The following CASP8 variants were observed in gnomAD, a reference collection of about 807,000 sequenced individuals.
CASP8 encodes the protein caspase 8, also known as caspase-8.
Under a neutral mutation model 46.3 loss-of-function variants are expected in CASP8, and 24 were observed. That is an observed-to-expected ratio of 0.52 (90% CI 0.38 to 0.73). CASP8 has a LOEUF of 0.73. CASP8 is among the 30% of genes least tolerant of loss of function. The pLI is 0.00. For synonymous variants in CASP8, 188 were observed against 200.4 expected (o/e 0.94, Z 0.52); for missense variants, 460 against 559.0 (o/e 0.82, Z 1.79).
At chr2:201,263,581 C>G (rs1264169835) in intron 1 of CASP8, among the ~76,000 whole-genome samples, 1 of 152,066 alleles carries the variant, frequency 6.6e-6, no homozygotes, top group Non-Finnish European at 1.5e-5. Flanking sequence ...TTTTAATTTT[C>G]CTTTTTATCT....
At chr2:201,264,042 T>A (rs935127223) in intron 1 of CASP8, among the ~76,000 whole-genome samples, 3 of 152,232 alleles carry the variant, frequency 2.0e-5, no homozygotes, top group African/African-American at 7.2e-5. Context: ...TGTGCATTTT[T>A]TGTCAGAGCT....
At chr2:201,277,148 A>T (rs986059361) in intron 7 of CASP8, 180 bp downstream of exon 7, 5 of 513,300 alleles carry the variant, frequency 9.7e-6, no homozygotes, top group Non-Finnish European at 1.7e-5. Flanking sequence ...TGCTTTTTTT[A>T]AAAATTAATT....
chr2:201,268,481 G>A (rs1400525716), intron 2 of CASP8, among the ~76,000 whole-genome samples: 1 of 152,066 alleles, frequency 6.6e-6, no homozygotes, highest in Non-Finnish European at 1.5e-5. Flanking sequence ...AACCCAGGAG[G>A]TGGAGGTTGC....
At chr2:201,270,456 C>A (rs1948162935) in intron 2 of CASP8, among the ~76,000 whole-genome samples, 1 of 152,196 alleles carries the variant, frequency 6.6e-6, no homozygotes, top group Non-Finnish European at 1.5e-5. Context: ...TAGCCTGGGT[C>A]CGCTGAGCTC....
At chr2:201,237,510 G>A (rs1441053775) in intron 2 of CASP8, among the ~76,000 whole-genome samples, 4 of 151,468 alleles carry the variant, frequency 2.6e-5, no homozygotes, top group Non-Finnish European at 4.4e-5. Flanking sequence ...GCAAGGTCTC[G>A]GAGGAAAAAT....
rs1320827174 is a variant in CASP8, at chr2:201,237,402, T to A, written c.-27+3290T>A. Reference sequence around the variant, plus strand: ...CACCTTGTCCAGACCCTTTTCTCTATCTTTATGAAAACATCTCTCCAGTAG... The same window carrying A: ...CACCTTGTCCAGACCCTTTTCTCTAACTTTATGAAAACATCTCTCCAGTAG... On this transcript the variant is annotated intron_variant, in intron 2 of 6. Transcript: ENST00000264274. Among the ~76,000 whole-genome samples the A allele has an allele frequency of 1.3e-4, 18 of 138,518 alleles. 1 individual carries two copies. Among genetic ancestry groups the A allele is most frequent in the Non-Finnish European group, 2.4e-4 (16 of 66,210 alleles). The allele number at this position is 138,518 out of a possible 152,430, so 90.9% of individuals were successfully genotyped here. A position where few individuals can be genotyped will look rare whatever the true frequency, so the allele number is the denominator to read the frequency against.
intron 8 of CASP8, 123 bp downstream of exon 8, chr2:201,285,440 C>A: frequency 8.2e-7 from 1 of 1,219,168 alleles, no homozygotes; most frequent in Non-Finnish European, 1.2e-6. Flanking sequence ...ATCACATTAA[C>A]AGGTCAGAGA....
intron 2 of CASP8, among the ~76,000 whole-genome samples, chr2:201,248,612 G>A (rs961064657): frequency 6.6e-6 from 1 of 152,132 alleles, no homozygotes; most frequent in Non-Finnish European, 1.5e-5. Flanking sequence ...CTTTTTGTCC[G>A]TTATCTGTTC....
chr2:201,251,186 G>T (rs2124995585), intron 2 of CASP8, among the ~76,000 whole-genome samples: 1 of 152,294 alleles, frequency 6.6e-6, no homozygotes, highest in East Asian at 1.9e-4. Flanking sequence ...CCAACTTTTG[G>T]CAGTTATGAA....
intron 1 of CASP8, among the ~76,000 whole-genome samples, chr2:201,261,233 A>C (rs1005675785): frequency 5.3e-5 from 8 of 152,064 alleles, no homozygotes; most frequent in African/African-American, 1.9e-4. Context: ...CTCTACTAAA[A>C]ATACAAAATT....
upstream of CASP8, among the ~76,000 whole-genome samples, chr2:201,258,796 C>T (rs917807045): frequency 6.6e-6 from 1 of 152,114 alleles, no homozygotes; most frequent in African/African-American, 2.4e-5. Context: ...CTGAGGTGCA[C>T]AGCCCCTTCC....
chr2:201,269,566 CTG>C (rs765672355), intron 2 of CASP8: 58 of 1,613,434 alleles, frequency 3.6e-5, no homozygotes, highest in Non-Finnish European at 4.6e-5. Context: ...CAGACACAGT[CTG>C]TACCTTTCTG....
chr2:201,269,645 G>A, intron 2 of CASP8: 1 of 1,439,652 alleles, frequency 6.9e-7, no homozygotes. Flanking sequence ...TTGGCTTAGA[G>A]ATAAAAGGGT....
chr2:201,242,820 A>G (rs1946359577), intron 2 of CASP8: 2 of 152,272 alleles, frequency 1.3e-5, no homozygotes, highest in Admixed American at 1.3e-4. Flanking sequence ...TACAGTAGCC[A>G]AGATGTGCAA....
intron 1 of CASP8, among the ~76,000 whole-genome samples, chr2:201,265,627 C>T (rs140217344): frequency 8.5e-4 from 130 of 152,206 alleles, no homozygotes; most frequent in Middle Eastern, 6.8e-3. Context: ...CCTTTCTTAG[C>T]TCCTCATCAC....
upstream of CASP8, among the ~76,000 whole-genome samples, chr2:201,256,729 G>T (rs754250412): frequency 6.6e-6 from 1 of 152,298 alleles, no homozygotes; most frequent in East Asian, 1.9e-4. Context: ...CTGAATTAGA[G>T]AATTCTGCTG....
rs1027714114 is a variant in CASP8, at chr2:201,274,540, T to G, written c.596-349T>G. On this transcript the variant is annotated intron_variant, in intron 5 of 8. Coordinates refer to ENST00000673742, the MANE Select transcript of CASP8 (RefSeq NM_001372051.1). Reference sequence around the variant, plus strand: ...CCCAGGCTGGAGTGCAGTAGTGCGATCTCAGCTCACTGCAACCACTACCTC... The same window carrying G: ...CCCAGGCTGGAGTGCAGTAGTGCGAGCTCAGCTCACTGCAACCACTACCTC... 7.2e-5 allele frequency among the ~76,000 whole-genome samples: 11 copies of G among 152,212 alleles called. 1 individual carries two copies. In the South Asian group the frequency reaches 2.3e-3, roughly 32 times the overall value.
chr2:201,261,159 G>A (rs1048906530), intron 1 of CASP8, among the ~76,000 whole-genome samples: 1 of 152,146 alleles, frequency 6.6e-6, no homozygotes, highest in African/African-American at 2.4e-5. Flanking sequence ...TTGGGAGGTC[G>A]AGGCGGTGGT....
chr2:201,235,105 G>A (rs1223692910), intron 2 of CASP8, among the ~76,000 whole-genome samples: 4 of 152,068 alleles, frequency 2.6e-5, no homozygotes, highest in African/African-American at 9.7e-5. Context: ...CTGCTTGTCT[G>A]TCTTTCTTAC....
Sources: gnomAD v4.1 joint callset for allele counts (sites outside exome capture counted in the v4.1 genomes callset) on GRCh38, gnomAD v4.1.1 for gene constraint, MANE v1.5 for transcripts, NCBI Gene and HGNC (gene_info 2026-07-23, HGNC 2026-07-21) for gene names.